The following ACTR3C variants were observed in gnomAD, a reference collection of about 807,000 sequenced individuals.
ACTR3C encodes the protein actin related protein 3C, also known as actin-related protein 3C.
ACTR3C carries 18 observed loss-of-function variants against 26.3 expected under a neutral mutation model. That is an observed-to-expected ratio of 0.68 (90% CI 0.47 to 1.01). The LOEUF is 1.01. ACTR3C is among the 50% of genes least tolerant of loss of function. ACTR3C has a pLI of 0.00. For synonymous variants in ACTR3C, 55 were observed against 94.5 expected (o/e 0.58, Z 2.42); for missense variants, 184 against 250.7 (o/e 0.73, Z 1.80).
At chr7:150,261,882 T>C in intron 6 of ACTR3C, among the ~76,000 whole-genome samples, 1 of 152,094 alleles carries the variant, frequency 6.6e-6, no homozygotes, top group Non-Finnish European at 1.5e-5. Context: ...CGATCCACAT[T>C]AGTCAATTTG....
the ACTR3C span, among the ~76,000 whole-genome samples, chr7:149,904,543 CAACAACA>C: frequency 2.9e-5 from 2 of 68,916 alleles, no homozygotes; most frequent in Non-Finnish European, 8.7e-5. Flanking sequence ...AAAACAACAA[CAACAACA>C]AAAAAAACTT....
At chr7:150,125,567 T>C in the ACTR3C span, among the ~76,000 whole-genome samples, 1 of 152,102 alleles carries the variant, frequency 6.6e-6, no homozygotes, top group African/African-American at 2.4e-5. Flanking sequence ...TGAAATAATT[T>C]TTTTTTTAAA....
At chr7:149,928,728 A>T in the ACTR3C span, among the ~76,000 whole-genome samples, 6 of 151,480 alleles carry the variant, frequency 4.0e-5, no homozygotes, top group African/African-American at 1.5e-4. Context: ...CTATAATCCC[A>T]GCTACTCAGG....
At chr7:150,161,222 A>ATATATATATATATATT in the ACTR3C span, among the ~76,000 whole-genome samples, 680 of 119,950 alleles carry the variant, frequency 5.7e-3, 8 homozygotes, top group African/African-American at 0.019. Flanking sequence ...ATATATATAT[A>ATATATATATATATATT]TATTTATTAT....
chr7:150,175,844 G>T, the ACTR3C span, among the ~76,000 whole-genome samples: 1 of 146,442 alleles, frequency 6.8e-6, no homozygotes, highest in Admixed American at 6.7e-5. Context: ...AAGAAAGAAA[G>T]GAAGGAAGGA....
At chr7:150,084,856 G>T in the ACTR3C span, among the ~76,000 whole-genome samples, 1 of 152,136 alleles carries the variant, frequency 6.6e-6, no homozygotes, top group African/African-American at 2.4e-5. Context: ...GGGACCTCTT[G>T]GGAGTGACTT....
At chr7:150,126,799 T>G in the ACTR3C span, among the ~76,000 whole-genome samples, 1 of 152,166 alleles carries the variant, frequency 6.6e-6, no homozygotes, top group African/African-American at 2.4e-5. Context: ...CTGAGCACCT[T>G]GTCTGTGGTA....
chr7:150,024,407 C>CCCG, the ACTR3C span, among the ~76,000 whole-genome samples: 14 of 151,352 alleles, frequency 9.2e-5, no homozygotes, highest in Non-Finnish European at 2.1e-4. Context: ...GTGTGGGTCC[C>CCCG]CCGGCTCTCT....
chr7:150,135,928 C>CAG, the ACTR3C span, among the ~76,000 whole-genome samples: 277 of 152,300 alleles, frequency 1.8e-3, 1 homozygote, highest in African/African-American at 6.4e-3. Flanking sequence ...TGTGGAGCAT[C>CAG]AGAGCCAAGC....
At chr7:150,153,025 C>T in the ACTR3C span, among the ~76,000 whole-genome samples, 13 of 152,102 alleles carry the variant, frequency 8.5e-5, no homozygotes, top group Non-Finnish European at 1.9e-4. Context: ...TGATTCTTCT[C>T]TCTTTTCTTC....
the ACTR3C span, among the ~76,000 whole-genome samples, chr7:149,888,459 T>C: frequency 9.2e-5 from 14 of 152,376 alleles, no homozygotes; most frequent in East Asian, 2.5e-3. Context: ...ATTTCCCTAA[T>C]AGCTGCTAAG....
At chr7:149,906,388 G>A in the ACTR3C span, among the ~76,000 whole-genome samples, 4 of 148,208 alleles carry the variant, frequency 2.7e-5, no homozygotes, top group Non-Finnish European at 4.5e-5. Flanking sequence ...GAGTCCATGG[G>A]GTTTTTGTGT....
chr7:150,320,501 G>A (rs1411383358), intron 1 of ACTR3C, among the ~76,000 whole-genome samples: 1 of 152,140 alleles, frequency 6.6e-6, no homozygotes, highest in Non-Finnish European at 1.5e-5. Flanking sequence ...CATGGCTCAA[G>A]CCTGTAATCC....
intron 1 of ACTR3C, among the ~76,000 whole-genome samples, chr7:150,314,832 G>C (rs1563210861): frequency 6.7e-6 from 1 of 149,200 alleles, no homozygotes; most frequent in Non-Finnish European, 1.5e-5. Context: ...CACACCTGTA[G>C]TCCCAGCTAC....
At chr7:150,146,879 T>G in the ACTR3C span, among the ~76,000 whole-genome samples, 1 of 152,260 alleles carries the variant, frequency 6.6e-6, no homozygotes, top group Non-Finnish European at 1.5e-5. Flanking sequence ...AAGAAACTAC[T>G]ATTTTCTTAA....
At chr7:150,152,909 T>C in the ACTR3C span, among the ~76,000 whole-genome samples, 21 of 152,332 alleles carry the variant, frequency 1.4e-4, no homozygotes, top group Admixed American at 1.2e-3. Context: ...TCTTCTAGAT[T>C]TCTAGTTTAT....
the ACTR3C span, among the ~76,000 whole-genome samples, chr7:150,188,194 T>C: frequency 1.3e-5 from 2 of 152,234 alleles, no homozygotes; most frequent in African/African-American, 4.8e-5. Flanking sequence ...CAGAACATTA[T>C]ATAAATGAAA....
chr7:150,251,964 T>C (rs1286805072), intron 6 of ACTR3C, among the ~76,000 whole-genome samples: 1 of 152,200 alleles, frequency 6.6e-6, no homozygotes, highest in Non-Finnish European at 1.5e-5. Flanking sequence ...GTGTTTTCCA[T>C]AGAAACCATA....
chr7:150,047,777 G>A, the ACTR3C span: 193 of 1,521,754 alleles, frequency 1.3e-4, no homozygotes, highest in Non-Finnish European at 1.5e-4. Context: ...CGCCCAGGAG[G>A]TGACTCGCCT....
Sources: allele counts gnomAD v4.1 joint callset (sites outside exome capture counted in the v4.1 genomes callset), GRCh38; gene constraint gnomAD v4.1.1; transcripts MANE v1.5; gene names NCBI Gene and HGNC (gene_info 2026-07-23, HGNC 2026-07-21).